RALGAPA2: variants seen among roughly 807,000 people sequenced by gnomAD.
The protein encoded by RALGAPA2 is Ral GTPase activating protein catalytic subunit alpha 2, also known as ral GTPase-activating protein subunit alpha-2.
RALGAPA2 carries 139 observed loss-of-function variants against 230.4 expected under a neutral mutation model. That is an observed-to-expected ratio of 0.60 (90% CI 0.53 to 0.69). The LOEUF (loss-of-function observed/expected upper bound fraction) is 0.69, where lower values mean the gene tolerates loss of function less well. Among genes scored for constraint, RALGAPA2 ranks in the 30% least tolerant of loss-of-function variants. The pLI is 0.00. For missense variants in RALGAPA2, 2,163 were observed against 2,276.0 expected, an observed-to-expected ratio of 0.95 and a Z score of 1.01; for synonymous variants, 847 against 837.8, an observed-to-expected ratio of 1.01 and a Z score of -0.19.
At chr20:20,711,841 G>A (rs2069885308) in intron 1 of RALGAPA2, among the ~76,000 whole-genome samples, 2 of 152,158 alleles carry the variant, frequency 1.3e-5, no homozygotes, top group South Asian at 4.2e-4. Context: ...TGACAAATCT[G>A]TGCTGGGATC....
At chr20:20,511,403 A>G in intron 32 of RALGAPA2, 78 bp from the exon 33 acceptor site, 2 of 1,491,690 alleles carry the variant, frequency 1.3e-6, no homozygotes, top group Non-Finnish European at 1.8e-6. Flanking sequence ...TAATTTAATA[A>G]AAATACCTAT....
At chr20:20,409,283 G>C (rs990573692) in intron 38 of RALGAPA2, among the ~76,000 whole-genome samples, 2 of 152,192 alleles carry the variant, frequency 1.3e-5, no homozygotes, top group Non-Finnish European at 2.9e-5. Context: ...CTCTAGAAGT[G>C]GGGGCTGCAT....
intron 15 of RALGAPA2, among the ~76,000 whole-genome samples, chr20:20,602,866 C>T (rs937106260): frequency 1.3e-5 from 2 of 151,858 alleles, no homozygotes; most frequent in African/African-American, 4.8e-5. Context: ...CACATGTGCA[C>T]TCGTGCATGG....
intron 3 of RALGAPA2, among the ~76,000 whole-genome samples, chr20:20,658,659 G>C (rs2067669265): frequency 6.6e-6 from 1 of 152,164 alleles, no homozygotes; most frequent in Non-Finnish European, 1.5e-5. Context: ...TATTACTACT[G>C]ATCAGCACAT....
rs1264659558 is a variant in RALGAPA2 at position 20,573,084 on chromosome 20, T to G, written c.2708-16A>C. ...TCGCTGCTATCTATGCAGAAAAACATGTCTGTTAACCCTGTAAACAATCTT... is the reference window on the plus strand; with the variant it reads ...TCGCTGCTATCTATGCAGAAAAACAGGTCTGTTAACCCTGTAAACAATCTT... On this transcript the variant is annotated splice_polypyrimidine_tract_variant and intron_variant, in intron 20 of 39. Coordinates refer to ENST00000202677, the MANE Select transcript of RALGAPA2 (RefSeq NM_020343.4). The G allele has an allele frequency of 6.3e-7, 1 of 1,587,564 alleles. No individual in the cohort carries two copies. The highest frequency in any genetic ancestry group is 1.7e-5 in the Admixed American group (1 of 57,178).
In RALGAPA2 at chr20:20,589,307, C is replaced by T; in HGVS notation, c.2400G>A (p.Glu800=). Residue 800 remains glutamate, a synonymous_variant, in exon 18 of 40, where the codon GAG becomes GAA. Transcript: ENST00000202677. Reference sequence around the variant, plus strand: ...GTTCTCTCTTCACATGTCCTTTATTCTCTTGAATAGGCTGAGGCTCTGAAG... The same window carrying T: ...GTTCTCTCTTCACATGTCCTTTATTTTCTTGAATAGGCTGAGGCTCTGAAG... ...SSSSEPQPIQ[E]NKGHVKREHE... The T allele has an allele frequency of 6.3e-7, 1 of 1,588,660 alleles. No individual in the cohort carries two copies. The highest frequency in any genetic ancestry group is 8.6e-7 in the Non-Finnish European group (1 of 1,165,836).
chr20:20,693,432 T>C (rs1311450749), intron 1 of RALGAPA2, among the ~76,000 whole-genome samples: 2 of 152,184 alleles, frequency 1.3e-5, no homozygotes, highest in African/African-American at 4.8e-5. Context: ...TTAAAGTCAA[T>C]GCACACTTGG....
At chr20:20,529,742 T>C (rs1201834380) in intron 27 of RALGAPA2, among the ~76,000 whole-genome samples, 1 of 152,192 alleles carries the variant, frequency 6.6e-6, no homozygotes, top group Non-Finnish European at 1.5e-5. Flanking sequence ...GTTTCTGTAA[T>C]ATTCTTTATG....
intron 23 of RALGAPA2, among the ~76,000 whole-genome samples, chr20:20,570,830 C>G (rs1011676074): frequency 5.3e-5 from 8 of 152,110 alleles, no homozygotes; most frequent in African/African-American, 1.9e-4. Context: ...TGTCCCTATC[C>G]GTAATCTCCC....
Position 20,521,146 on chromosome 20 carries a change from T to A in RALGAPA2, c.3901-46A>T, listed in dbSNP as rs543167219. Reference sequence around the variant, plus strand: ...TGCACCACGGATGCTACTCACCGCGTGTCCCCTGACAATCTGTCAAACTAC... The same window carrying A: ...TGCACCACGGATGCTACTCACCGCGAGTCCCCTGACAATCTGTCAAACTAC... On this transcript the variant is annotated intron_variant, in intron 30 of 39. Coordinates refer to ENST00000202677, the MANE Select transcript of RALGAPA2 (RefSeq NM_020343.4). 2.7e-6 allele frequency: 4 copies of A among 1,497,638 alleles called. No individual in the cohort carries two copies. In the South Asian group the frequency reaches 5.2e-5, roughly 19 times the overall value. 92.8% of individuals were successfully genotyped at this position (1,497,638 alleles called of 1,614,324 possible).
chr20:20,420,748 T>C lies in RALGAPA2; in HGVS notation c.5496-8600A>G, dbSNP rs560489917. Among the ~76,000 whole-genome samples the C allele has an allele frequency of 1.4e-4, 21 of 152,264 alleles. No individual in the cohort carries two copies. The South Asian group carries it at 4.4e-3, about 32-fold the overall frequency. ...AAAAATGAGATGAGTTAACAGCAGCTGTGGATTGAGGAATAGTACCCTGTT... is the reference window on the plus strand; with the variant it reads ...AAAAATGAGATGAGTTAACAGCAGCCGTGGATTGAGGAATAGTACCCTGTT... On this transcript the variant is annotated intron_variant, in intron 37 of 39. Transcript: ENST00000202677.
intron 35 of RALGAPA2, among the ~76,000 whole-genome samples, chr20:20,501,883 A>T (rs1454616286): frequency 6.6e-6 from 1 of 152,168 alleles, no homozygotes; most frequent in East Asian, 1.9e-4. Context: ...GGAAGGCCCA[A>T]GGAGCGGAAG....
chr20:20,400,444 A>C (rs1350711427), intron 38 of RALGAPA2, among the ~76,000 whole-genome samples: 2 of 152,232 alleles, frequency 1.3e-5, no homozygotes, highest in Non-Finnish European at 2.9e-5. Context: ...GCAGGGGCTA[A>C]GTGAGCAGGT....
At chr20:20,534,893 G>C (rs2063460836) in intron 26 of RALGAPA2, among the ~76,000 whole-genome samples, 1 of 152,146 alleles carries the variant, frequency 6.6e-6, no homozygotes, top group Non-Finnish European at 1.5e-5. Flanking sequence ...CCAAGTTGAG[G>C]TTATCCAAAA....
Position 20,526,343 on chromosome 20 carries a change from G to A in RALGAPA2, c.3602C>T (p.Ala1201Val). The A allele has an allele frequency of 6.3e-7, 1 of 1,598,592 alleles. No homozygotes were observed. The highest frequency in any genetic ancestry group is 1.1e-5 in the South Asian group (1 of 87,122). The change falls in exon 28 of 40, where the codon GCC (alanine) becomes GTC (valine). Residue 1201 changes from alanine to valine, a missense_variant. Transcript: ENST00000202677. Reference protein sequence around the residue: ...VTLKFPNKIVAQVACDVLQLL... With the variant: ...VTLKFPNKIVVQVACDVLQLL... ...CTGAAGGACATCGCAAGCTACCTGG[G>A]CCACGATTTTGTTGGGAAACTATAA...
rs2063019840 is a variant in RALGAPA2, at chr20:20,520,951, T to C, written c.4050A>G (p.Ser1350=). 20 of 1,613,082 alleles carry C rather than the reference T, an allele frequency of 1.2e-5. No homozygotes were observed. The highest frequency in any genetic ancestry group is 1.7e-5 in the Non-Finnish European group (20 of 1,179,198). Residue 1350 remains serine (S), a synonymous_variant, in exon 31 of 40, where the codon TCA becomes TCG. Coordinates refer to ENST00000202677, the MANE Select transcript of RALGAPA2 (RefSeq NM_020343.4). ...CAGTCAGCAGGTTACCCAATTCTGC[T>C]GATGAATGATACTGGACTGGCTCAG... is the stretch of plus-strand genomic sequence containing the variant. ...KSSEPVQYHS[S]AELGNLLTVE... is the part of the protein sequence containing the mutation.
At chr20:20,426,228 G>A (rs1302920199) in intron 37 of RALGAPA2, among the ~76,000 whole-genome samples, 1 of 152,142 alleles carries the variant, frequency 6.6e-6, no homozygotes, top group Non-Finnish European at 1.5e-5. Flanking sequence ...AAATAAAGAT[G>A]ATCAGGAAGT....
chr20:20,523,969 T>TG (rs367866680), intron 30 of RALGAPA2, among the ~76,000 whole-genome samples: 8 of 151,760 alleles, frequency 5.3e-5, no homozygotes, highest in African/African-American at 1.4e-4. Context: ...TTTACTTTTT[T>TG]GGGGGGGGAT....
At chr20:20,459,130 C>G (rs965795643) in intron 37 of RALGAPA2, among the ~76,000 whole-genome samples, 3 of 151,714 alleles carry the variant, frequency 2.0e-5, no homozygotes, top group Non-Finnish European at 4.4e-5. Flanking sequence ...TAGATGGACC[C>G]CTTGGAATCA....
Sources: gnomAD v4.1 joint callset for allele counts (sites outside exome capture counted in the v4.1 genomes callset) on GRCh38, gnomAD v4.1.1 for gene constraint, MANE v1.5 for transcripts, NCBI Gene and HGNC (gene_info 2026-07-23, HGNC 2026-07-21) for gene names.